The following CHRM3 variants were observed in gnomAD, a reference collection of about 807,000 sequenced individuals.
The protein encoded by CHRM3 is muscarinic acetylcholine receptor M3.
Under a neutral mutation model 41.8 loss-of-function variants are expected in CHRM3, and 11 were observed. The ratio of observed to expected loss-of-function variants is 0.26; its 90% CI spans 0.17 to 0.44. The LOEUF (loss-of-function observed/expected upper bound fraction) is 0.44. Among genes scored for constraint, CHRM3 ranks in the 20% least tolerant of loss-of-function variants. CHRM3 has a pLI of 1.00. For synonymous variants in CHRM3, 297 were observed against 301.4 expected, an observed-to-expected ratio of 0.99 and a Z score of 0.15; for missense variants, 571 against 745.4, an observed-to-expected ratio of 0.77 and a Z score of 2.72.
At chr1:239,486,034 A>G (rs1467492049) in intron 1 of CHRM3, among the ~76,000 whole-genome samples, 4 of 152,136 alleles carry the variant, frequency 2.6e-5, no homozygotes, top group African/African-American at 7.2e-5. Context: ...TGCTGTTTTT[A>G]CTCATTGCAG....
chr1:239,590,895 T>C (rs1262651951), intron 3 of CHRM3, among the ~76,000 whole-genome samples: 1 of 152,064 alleles, frequency 6.6e-6, no homozygotes, highest in Non-Finnish European at 1.5e-5. Context: ...GGTCTGAGGA[T>C]TTTAGGTGGT....
At chr1:239,488,586 G>T (rs1667339817) in intron 1 of CHRM3, among the ~76,000 whole-genome samples, 2 of 151,460 alleles carry the variant, frequency 1.3e-5, no homozygotes, top group Admixed American at 1.3e-4. Context: ...GTGGTGGCAG[G>T]CGCCTGTAGT....
chr1:239,502,824 A>G (rs922375854), intron 2 of CHRM3, among the ~76,000 whole-genome samples: 3 of 152,360 alleles, frequency 2.0e-5, no homozygotes, highest in South Asian at 2.1e-4. Flanking sequence ...GATCATCTCA[A>G]TAGTTGCAGA....
In CHRM3 at chr1:239,595,916, T is replaced by A. The variant is rs554785132; in HGVS notation, c.-312-36308T>A. Among the ~76,000 whole-genome samples, 42 of 152,322 alleles carry A rather than the reference T, an allele frequency of 2.8e-4. 1 individual carries two copies. The highest frequency in any genetic ancestry group is 2.5e-3 in the Admixed American group (38 of 15,296). ...TACCAATCCTTTTTACTATATGTTG[T>A]TATTTTTAGAAGACAGAACCTTGCC... is the stretch of plus-strand genomic sequence containing the variant. On this transcript the variant is annotated intron_variant, in intron 3 of 6. Transcript: ENST00000676153.
At chr1:239,426,707 G>A (rs1243193956) in intron 1 of CHRM3, among the ~76,000 whole-genome samples, 1 of 152,106 alleles carries the variant, frequency 6.6e-6, no homozygotes, top group African/African-American at 2.4e-5. Flanking sequence ...TCATATATCA[G>A]GCAATAGTTT....
chr1:239,716,617 T>C (rs572386130), intron 5 of CHRM3, among the ~76,000 whole-genome samples: 2 of 152,096 alleles, frequency 1.3e-5, no homozygotes, highest in East Asian at 3.9e-4. Flanking sequence ...GAGCCTTTTT[T>C]TGCAAGAGAG....
At chr1:239,712,203 ATTGTCCC>A (rs1462555105) in intron 5 of CHRM3, among the ~76,000 whole-genome samples, 2 of 152,164 alleles carry the variant, frequency 1.3e-5, no homozygotes, top group East Asian at 3.9e-4. Flanking sequence ...ATTCACTATA[ATTGTCCC>A]AGTTATCTTG....
At chr1:239,632,029 C>T (rs1456184398) in intron 3 of CHRM3, among the ~76,000 whole-genome samples, 195 bp from the exon 4 acceptor site, 1 of 152,194 alleles carries the variant, frequency 6.6e-6, no homozygotes, top group Non-Finnish European at 1.5e-5. Flanking sequence ...ACCTTAACTT[C>T]TCTGACCCTC....
At chr1:239,637,010 A>G (rs767694679) in intron 4 of CHRM3, among the ~76,000 whole-genome samples, 2 of 152,226 alleles carry the variant, frequency 1.3e-5, no homozygotes, top group Non-Finnish European at 2.9e-5. Context: ...TTCAGTTTGT[A>G]TCCTCGGTAT....
chr1:239,551,517 A>G (rs1209899965), intron 3 of CHRM3, among the ~76,000 whole-genome samples: 1 of 123,636 alleles, frequency 8.1e-6, no homozygotes, highest in Non-Finnish European at 1.9e-5. Context: ...GCAAAAAATA[A>G]CTGAACCAAA....
intron 2 of CHRM3, among the ~76,000 whole-genome samples, chr1:239,542,991 T>C (rs564607526): frequency 3.3e-5 from 5 of 152,356 alleles, no homozygotes; most frequent in Admixed American, 3.3e-4. Context: ...TGTGGTCCAC[T>C]CTTTGCCCTT....
intron 3 of CHRM3, among the ~76,000 whole-genome samples, chr1:239,571,213 G>T (rs541152758): frequency 6.6e-6 from 1 of 152,222 alleles, no homozygotes; most frequent in East Asian, 1.9e-4. Context: ...TGCAAAAGTG[G>T]ACAAGCATCA....
chr1:239,762,047 C>T (rs1438536616), intron 5 of CHRM3, among the ~76,000 whole-genome samples: 1 of 152,150 alleles, frequency 6.6e-6, no homozygotes, highest in South Asian at 2.1e-4. Flanking sequence ...TCTTGGAGAT[C>T]ACTGTCATGC....
intron 1 of CHRM3, among the ~76,000 whole-genome samples, chr1:239,400,714 T>G (rs1422135641): frequency 2.0e-5 from 3 of 152,214 alleles, no homozygotes; most frequent in Admixed American, 2.0e-4. Flanking sequence ...GTATCCTTTC[T>G]TCATTGTGTG....
At chr1:239,811,582 C>T (rs905600995) in intron 5 of CHRM3, among the ~76,000 whole-genome samples, 8 of 152,204 alleles carry the variant, frequency 5.3e-5, no homozygotes, top group African/African-American at 1.7e-4. Context: ...TTTCCTAGTA[C>T]AATTCACCAG....
chr1:239,697,303 G>A (rs12132662), intron 5 of CHRM3, among the ~76,000 whole-genome samples: 5,965 of 152,082 alleles, frequency 0.039, 247 homozygotes, highest in African/African-American at 0.11. Flanking sequence ...AAGTTTCCCC[G>A]CACAAGCTCT....
intron 3 of CHRM3, among the ~76,000 whole-genome samples, chr1:239,587,974 C>A (rs914564509): frequency 1.3e-5 from 2 of 152,196 alleles, no homozygotes; most frequent in African/African-American, 2.4e-5. Context: ...TATTTAAGTA[C>A]AGAGCTCTCT....
intron 1 of CHRM3, among the ~76,000 whole-genome samples, chr1:239,452,483 C>T (rs936899371): frequency 2.0e-5 from 3 of 152,128 alleles, no homozygotes; most frequent in Non-Finnish European, 4.4e-5. Flanking sequence ...GAATAACCAT[C>T]GAGCAGGATT....
intron 5 of CHRM3, among the ~76,000 whole-genome samples, chr1:239,757,393 C>T (rs1054684915): frequency 1.3e-5 from 2 of 151,962 alleles, no homozygotes; most frequent in African/African-American, 4.8e-5. Flanking sequence ...CTTTAGGAGG[C>T]CCAGTGCTGG....
Sources: gnomAD v4.1 joint callset for allele counts (sites outside exome capture counted in the v4.1 genomes callset) on GRCh38, gnomAD v4.1.1 for gene constraint, MANE v1.5 for transcripts, NCBI Gene and HGNC (gene_info 2026-07-23, HGNC 2026-07-21) for gene names.